Variants in LRRC4C observed in about 807,000 individuals in gnomAD.
The protein encoded by LRRC4C is leucine rich repeat containing 4C.
A neutral mutation model predicts 33.6 loss-of-function variants in LRRC4C; 5 were observed. The observed-to-expected ratio is 0.15, with a 90% confidence interval of 0.08 to 0.31. The LOEUF is 0.31. Ranked by LOEUF, LRRC4C falls within the 10% of genes least tolerant of loss-of-function variation. LRRC4C has a pLI of 1.00. For missense variants in LRRC4C, 560 were observed against 796.7 expected (o/e 0.70, Z 3.58); for synonymous variants, 329 against 302.0 (o/e 1.09, Z -0.93).
chr11:41,001,916 A>T (rs1172028857), intron 1 of LRRC4C, among the ~76,000 whole-genome samples: 2 of 146,922 alleles, frequency 1.4e-5, no homozygotes, highest in South Asian at 2.1e-4. Flanking sequence ...GTAGATATTT[A>T]TGTTACTGAG....
chr11:40,514,017 C>T lies in LRRC4C; in HGVS notation c.-270+134125G>A, dbSNP rs538201856. ...TCCACTATGAATCCTCTTGGAATTG[C>T]TACTAAGGCAAATAGTAATATGTTC... On this transcript the variant is annotated intron_variant, in intron 3 of 6. Coordinates refer to ENST00000528697, the MANE Select transcript of LRRC4C (RefSeq NM_001258419.2). Among the ~76,000 whole-genome samples, 51 of 152,246 alleles carry T rather than the reference C, an allele frequency of 3.3e-4. 1 individual carries two copies. The South Asian group carries it at 9.7e-3, about 29-fold the overall frequency.
rs1345387445 is a variant in LRRC4C, at chr11:40,759,202, A to G, written c.-406-110924T>C. Among the ~76,000 whole-genome samples the G allele has an allele frequency of 4.1e-5, 6 of 147,104 alleles. No homozygotes were observed. The East Asian group carries it at 1.2e-3, about 29-fold the overall frequency. ...ATATGAGGAATATATATAATTATAT[A>G]TAATATATATAATCGTCCATATATT... On this transcript the variant is annotated intron_variant, in intron 2 of 6. Transcript: ENST00000528697.
intron 5 of LRRC4C, among the ~76,000 whole-genome samples, chr11:40,191,857 G>A (rs893451892): frequency 1.3e-5 from 2 of 152,094 alleles, no homozygotes; most frequent in Non-Finnish European, 2.9e-5. Context: ...CTACTCAGGA[G>A]GCTGAGGCAA....
At chr11:40,200,180 T>TAAAAAAAAAAAAAAAAAAAAAAAAAAA in intron 5 of LRRC4C, among the ~76,000 whole-genome samples, 2 of 26,046 alleles carry the variant, frequency 7.7e-5, no homozygotes, top group Non-Finnish European at 1.4e-4. Context: ...CTGTCTCCAC[T>TAAAAAAAAAAAAAAAAAAAAAAAAAAA]AAAAAAAAAA....
At chr11:41,225,469 T>C (rs1294008757) in intron 1 of LRRC4C, among the ~76,000 whole-genome samples, 1 of 151,974 alleles carries the variant, frequency 6.6e-6, no homozygotes, top group African/African-American at 2.4e-5. Flanking sequence ...TTAAAAAATC[T>C]TGAGAGACTA....
At position 40,414,593 on chromosome 11, in the gene LRRC4C, C is replaced by T. The variant is rs1421254361; in HGVS notation, c.-269-94872G>A. ...AATTTATACAAAAGAAAGTAAATAG[C>T]AGTGAATCTCTATTGGCTTTGACAC... On this transcript the variant is annotated intron_variant, in intron 3 of 6. Coordinates refer to ENST00000528697, the MANE Select transcript of LRRC4C (RefSeq NM_001258419.2). Among the ~76,000 whole-genome samples the T allele has an allele frequency of 2.6e-5, 4 of 152,006 alleles. No individual in the cohort carries two copies. In the East Asian group the frequency reaches 7.7e-4, roughly 29 times the overall value.
intron 2 of LRRC4C, among the ~76,000 whole-genome samples, chr11:40,861,132 T>C (rs1456744636): frequency 6.6e-6 from 1 of 152,180 alleles, no homozygotes; most frequent in Non-Finnish European, 1.5e-5. Flanking sequence ...TATATTATAA[T>C]ACCTTCTTGT....
chr11:40,658,356 T>C (rs889182175), intron 2 of LRRC4C, among the ~76,000 whole-genome samples: 12 of 152,218 alleles, frequency 7.9e-5, no homozygotes, highest in African/African-American at 2.9e-4. Context: ...AGAAATCTCA[T>C]CTTATCTCTT....
intron 4 of LRRC4C, among the ~76,000 whole-genome samples, chr11:40,299,707 C>A (rs1944678995): frequency 6.6e-6 from 1 of 152,146 alleles, no homozygotes; most frequent in Admixed American, 6.5e-5. Flanking sequence ...GGTCCTTTGA[C>A]CTCTTAATAA....
chr11:40,845,238 G>C (rs189575537), intron 2 of LRRC4C, among the ~76,000 whole-genome samples: 1 of 151,874 alleles, frequency 6.6e-6, no homozygotes, highest in Non-Finnish European at 1.5e-5. Context: ...CATGTGCCAT[G>C]GTGGTTTGCT....
rs1495323 is a variant in LRRC4C, at chr11:40,652,546, A to T, written c.-406-4268T>A. Among the ~76,000 whole-genome samples, 644 of 152,356 alleles carry T rather than the reference A, an allele frequency of 4.2e-3. 6 individuals are homozygous for T. Among genetic ancestry groups the T allele is most frequent in the African/African-American group, 0.015 (622 of 41,586 alleles). On this transcript the variant is annotated intron_variant, in intron 2 of 6. Coordinates refer to ENST00000528697, the MANE Select transcript of LRRC4C (RefSeq NM_001258419.2). The stretch of plus-strand genomic sequence containing the variant: ...AAAAAATGTAACAGCACTAAAGAAT[A>T]GGAAGAGATAGCAGGATCACACAAC...
chr11:40,216,213 T>A lies in LRRC4C; in HGVS notation c.-96+25306A>T, dbSNP rs183836129. ...CACTACTTGGGGTAAAGTTTTTATGTAAGTTTAAAAATGTAGTCTTCATCT... is the reference window on the plus strand; with the variant it reads ...CACTACTTGGGGTAAAGTTTTTATGAAAGTTTAAAAATGTAGTCTTCATCT... On this transcript the variant is annotated intron_variant, in intron 5 of 6. Transcript: ENST00000528697. Among the ~76,000 whole-genome samples, 4 of 152,276 alleles carry A rather than the reference T, an allele frequency of 2.6e-5. No individual in the cohort carries two copies. In the South Asian group the frequency reaches 6.2e-4, roughly 24 times the overall value.
At chr11:40,880,665 A>C (rs1468112730) in intron 2 of LRRC4C, among the ~76,000 whole-genome samples, 1 of 151,808 alleles carries the variant, frequency 6.6e-6, no homozygotes, top group African/African-American at 2.4e-5. Context: ...TGCATCAAAT[A>C]GCATCTAGTA....
At chr11:40,284,938 G>A (rs368568875) in intron 4 of LRRC4C, among the ~76,000 whole-genome samples, 8 of 152,042 alleles carry the variant, frequency 5.3e-5, no homozygotes, top group African/African-American at 1.9e-4. Flanking sequence ...GCTGGCAATG[G>A]ACACTTATGT....
chr11:40,117,810 T>C (rs1176969766), intron 6 of LRRC4C, among the ~76,000 whole-genome samples: 3 of 151,990 alleles, frequency 2.0e-5, no homozygotes, highest in African/African-American at 4.8e-5. Flanking sequence ...ATCCTTTCTG[T>C]GGCTTAATTT....
At chr11:41,278,405 A>T (rs2136907657) in intron 1 of LRRC4C, among the ~76,000 whole-genome samples, 1 of 152,360 alleles carries the variant, frequency 6.6e-6, no homozygotes, top group Non-Finnish European at 1.5e-5. Flanking sequence ...TTTTGCTTAA[A>T]GTTGAAGTTT....
At chr11:41,227,175 C>T (rs1947579029) in intron 1 of LRRC4C, among the ~76,000 whole-genome samples, 1 of 151,970 alleles carries the variant, frequency 6.6e-6, no homozygotes, top group Non-Finnish European at 1.5e-5. Flanking sequence ...TTATTCCTTC[C>T]ACTTACCATA....
At position 41,040,137 on chromosome 11, in the gene LRRC4C, CAA is replaced by C. The variant is rs5791415; in HGVS notation, c.-495-106416_-495-106415del. Among the ~76,000 whole-genome samples, 780 of 96,302 alleles carry C rather than the reference CAA, an allele frequency of 8.1e-3. 5 individuals carry two copies. The highest frequency in any genetic ancestry group is 0.024 in the African/African-American group (583 of 24,604). The allele number at this position is 96,302 out of a possible 152,430, so 63.2% of individuals were successfully genotyped here. ...TGGGCAACAGAGTGAGACTCTGTCT[CAA>C]AAAAAAAAAAAAAAAAAAGTATGAC... On this transcript the variant is annotated intron_variant, in intron 1 of 6. Transcript: ENST00000528697.
At chr11:41,176,416 T>A (rs1945201167) in intron 1 of LRRC4C, among the ~76,000 whole-genome samples, 1 of 152,174 alleles carries the variant, frequency 6.6e-6, no homozygotes, top group Non-Finnish European at 1.5e-5. Context: ...TCCCAGTCAA[T>A]TACTTTGCAT....
Sources: gnomAD v4.1 joint callset for allele counts (sites outside exome capture counted in the v4.1 genomes callset) on GRCh38, gnomAD v4.1.1 for gene constraint, MANE v1.5 for transcripts, NCBI Gene and HGNC (gene_info 2026-07-23, HGNC 2026-07-21) for gene names.